Variants in ADAMTS6 observed in about 807,000 individuals in gnomAD.
ADAMTS6 encodes A disintegrin and metalloproteinase with thrombospondin motifs 6.
ADAMTS6 carries 23 observed loss-of-function variants against 144.3 expected under a neutral mutation model. That is an observed-to-expected ratio of 0.16 (90% CI 0.11 to 0.23). The LOEUF is 0.23. Among genes scored for constraint, ADAMTS6 ranks in the 10% least tolerant of loss-of-function variants. The pLI is 1.00. For synonymous variants in ADAMTS6, 444 were observed against 457.5 expected (o/e 0.97, Z 0.38); for missense variants, 999 against 1,379.6 (o/e 0.72, Z 4.37).
intron 24 of ADAMTS6, among the ~76,000 whole-genome samples, chr5:65,154,856 T>A (rs1239414568): frequency 1.3e-5 from 2 of 152,086 alleles, no homozygotes; most frequent in East Asian, 3.8e-4. Context: ...AAATATAGTC[T>A]CAGAAAGGGT....
At chr5:65,427,855 T>G (rs1006490671) in intron 7 of ADAMTS6, among the ~76,000 whole-genome samples, 1 of 151,492 alleles carries the variant, frequency 6.6e-6, no homozygotes, top group Non-Finnish European at 1.5e-5. Context: ...AAAAAATTAT[T>G]TAATTTAAAG....
intron 7 of ADAMTS6, among the ~76,000 whole-genome samples, chr5:65,361,003 T>A (rs758998467): frequency 7.2e-5 from 11 of 152,214 alleles, no homozygotes; most frequent in Non-Finnish European, 1.5e-4. Flanking sequence ...ACTTAGTGAA[T>A]CCTGTGGATC....
At chr5:65,275,352 AGAGAAAGAAAGAAAG>A in intron 11 of ADAMTS6, among the ~76,000 whole-genome samples, 1 of 121,734 alleles carries the variant, frequency 8.2e-6, no homozygotes, top group East Asian at 2.4e-4. Flanking sequence ...GAAAGAAAGA[AGAGAAAGAAAGAAAG>A]AAAGAAAGAA....
rs1751998714 is a variant in ADAMTS6 at position 65,149,111 on chromosome 5, G to C, written c.*2725C>G. On this transcript the variant is annotated 3_prime_UTR_variant, in exon 25 of 25. Coordinates refer to ENST00000381055, the MANE Select transcript of ADAMTS6 (RefSeq NM_197941.4). ...TGTATCTCACGGGGTTTAATCATTA[G>C]GGTACATTTACCGTTCCTTTTTTAG... The C allele has an allele frequency of 1.3e-5, 2 of 152,588 alleles. No homozygotes were observed. The highest frequency in any genetic ancestry group is 2.9e-5 in the Non-Finnish European group (2 of 68,042). The allele number at this position is 152,588 out of a possible 1,614,324, so 9.5% of individuals were successfully genotyped here.
At chr5:65,285,959 T>G (rs1287782473) in intron 11 of ADAMTS6, among the ~76,000 whole-genome samples, 3 of 152,182 alleles carry the variant, frequency 2.0e-5, no homozygotes, top group African/African-American at 7.2e-5. Context: ...AACTGGCATT[T>G]GAGCTGAGAC....
At chr5:65,321,739 G>A (rs566114604) in intron 9 of ADAMTS6, among the ~76,000 whole-genome samples, 66 of 106,814 alleles carry the variant, frequency 6.2e-4, no homozygotes, top group African/African-American at 2.0e-3. Flanking sequence ...TTTTTGAGAC[G>A]GAGTCTCGCT....
At chr5:65,410,734 T>A (rs962570170) in intron 7 of ADAMTS6, among the ~76,000 whole-genome samples, 9 of 152,204 alleles carry the variant, frequency 5.9e-5, no homozygotes, top group Admixed American at 3.9e-4. Context: ...TGACTTTGAC[T>A]TTTTTATATA....
intron 12 of ADAMTS6, among the ~76,000 whole-genome samples, chr5:65,271,116 A>G (rs866686523): frequency 6.6e-6 from 1 of 152,076 alleles, no homozygotes; most frequent in Non-Finnish European, 1.5e-5. Flanking sequence ...TTGGCTGGGC[A>G]CGGTGGCTCA....
At chr5:65,221,741 A>G (rs562011483) in intron 18 of ADAMTS6, among the ~76,000 whole-genome samples, 47 of 152,316 alleles carry the variant, frequency 3.1e-4, no homozygotes, top group Admixed American at 8.5e-4. Flanking sequence ...CTATAGAGAA[A>G]ATCCAAATGA....
At chr5:65,201,963 A>T (rs1225563758) in intron 20 of ADAMTS6, among the ~76,000 whole-genome samples, 2 of 152,204 alleles carry the variant, frequency 1.3e-5, no homozygotes. Flanking sequence ...GACAAGTGCC[A>T]GGAAAAAAAA....
intron 7 of ADAMTS6, among the ~76,000 whole-genome samples, chr5:65,342,571 C>A (rs1205481897): frequency 6.6e-6 from 1 of 151,866 alleles, no homozygotes; most frequent in Non-Finnish European, 1.5e-5. Context: ...TAATAAAGGC[C>A]CTATGTGACA....
At chr5:65,253,876 G>A (rs1003178669) in intron 14 of ADAMTS6, among the ~76,000 whole-genome samples, 2 of 127,566 alleles carry the variant, frequency 1.6e-5, no homozygotes, top group Admixed American at 9.8e-5. Flanking sequence ...CATCCAGCCT[G>A]GGGTGCAGTG....
At chr5:65,189,040 T>C (rs1257971207) in intron 21 of ADAMTS6, among the ~76,000 whole-genome samples, 1 of 152,210 alleles carries the variant, frequency 6.6e-6, no homozygotes, top group Admixed American at 6.5e-5. Flanking sequence ...AGCTCTGAGC[T>C]AGCTCTATGA....
chr5:65,196,319 G>A (rs186677766), intron 21 of ADAMTS6, among the ~76,000 whole-genome samples: 3 of 151,822 alleles, frequency 2.0e-5, no homozygotes, highest in African/African-American at 4.8e-5. Context: ...GGCGGATCAC[G>A]AGGTGATCCT....
intron 12 of ADAMTS6, among the ~76,000 whole-genome samples, chr5:65,263,750 C>G (rs949823232): frequency 3.3e-5 from 5 of 152,232 alleles, no homozygotes; most frequent in Admixed American, 1.3e-4. Context: ...AAATGAAAGT[C>G]TTTTTTAAAC....
intron 12 of ADAMTS6, among the ~76,000 whole-genome samples, chr5:65,265,270 C>T (rs781642866): frequency 6.6e-6 from 1 of 152,008 alleles, no homozygotes; most frequent in Non-Finnish European, 1.5e-5. Flanking sequence ...GAAGAGGCAG[C>T]TGGCTAAACC....
intron 7 of ADAMTS6, among the ~76,000 whole-genome samples, chr5:65,390,724 A>C (rs1456050440): frequency 6.6e-6 from 1 of 152,212 alleles, no homozygotes; most frequent in Non-Finnish European, 1.5e-5. Flanking sequence ...TCTTTACTAC[A>C]ACCTTTCTTT....
Position 65,321,708 on chromosome 5 carries a change from CTTTTTTTTT to C in ADAMTS6, c.1223+7661_1223+7669del, listed in dbSNP as rs529236363. ...GTCTTCAATCCATCTTTTTCTTTTCCTTTTTTTTTTTTTTTTTTTTTTTTTGAGACGGAG... is the reference window on the plus strand; with the variant it reads ...GTCTTCAATCCATCTTTTTCTTTTCCTTTTTTTTTTTTTTTTGAGACGGAG... On this transcript the variant is annotated intron_variant, in intron 9 of 24. Transcript: ENST00000381055. 3.9e-4 allele frequency among the ~76,000 whole-genome samples: 31 copies of C among 78,888 alleles called. No individual in the cohort carries two copies. The South Asian group carries it at 6.0e-3, about 15-fold the overall frequency. The allele number at this position is 78,888 out of a possible 152,430, so 51.8% of individuals were successfully genotyped here. A position where few individuals can be genotyped will look rare whatever the true frequency, so the allele number is the denominator to read the frequency against.
chr5:65,478,912 G>A (rs940274891), intron 1 of ADAMTS6, among the ~76,000 whole-genome samples: 1 of 152,206 alleles, frequency 6.6e-6, no homozygotes, highest in South Asian at 2.1e-4. Context: ...AAAATGATGA[G>A]ACAACTTGCA....
Sources: allele counts gnomAD v4.1 joint callset (sites outside exome capture counted in the v4.1 genomes callset), GRCh38; gene constraint gnomAD v4.1.1; transcripts MANE v1.5; gene names NCBI Gene and HGNC (gene_info 2026-07-23, HGNC 2026-07-21).